The following PHF6 variants were observed in gnomAD, a reference collection of about 807,000 sequenced individuals.
The protein encoded by PHF6 is PHD finger protein 6, also known as PHD-like zinc finger protein.
In PHF6, 7 loss-of-function variants were observed where a neutral mutation model predicts 34.0. That is an observed-to-expected ratio of 0.21 (90% confidence interval 0.12 to 0.39). PHF6 has a LOEUF of 0.39. PHF6 is among the 10% of genes least tolerant of loss of function. The probability of loss-of-function intolerance (pLI) is 1.00; values close to 1 mark genes in which losing one functional copy is unlikely to be tolerated. For synonymous variants in PHF6, 89 were observed against 88.4 expected (o/e 1.01, Z -0.04); for missense variants, 128 against 262.8 (o/e 0.49, Z 3.55).
At chrX:134,375,155 A>G (rs764037681) in intron 1 of PHF6, among the ~76,000 whole-genome samples, 2 of 112,137 alleles carry the variant, frequency 1.8e-5, no homozygotes, top group Non-Finnish European at 3.8e-5. Flanking sequence ...TTACCAAGAT[A>G]TGCGCAGATG....
Position 134,425,336 on chromosome X carries a change from A to T in PHF6, c.*6A>T. On this transcript the variant is annotated splice_donor_region_variant and intron_variant, in intron 10 of 10. Coordinates refer to ENST00000370803, the MANE Select transcript of PHF6 (RefSeq NM_001015877.2). ...AGCAACTTAATGGAAACTAGGTATG[A>T]AAGTTAATTATATGGGATCTGTTGT... 1 of 1,209,960 alleles carries T rather than the reference A, an allele frequency of 8.3e-7. No individual in the cohort carries two copies. The highest frequency in any genetic ancestry group is 1.1e-6 in the Non-Finnish European group (1 of 893,886).
At chrX:134,377,451 T>A in intron 1 of PHF6, 121 bp from the exon 2 acceptor site, 5 of 477,238 alleles carry the variant, frequency 1.0e-5, no homozygotes, top group Non-Finnish European at 1.4e-5. Flanking sequence ...TTGTCTATAC[T>A]AAATAAACAT....
chrX:134,407,141 A>G (rs1357589273), intron 5 of PHF6, among the ~76,000 whole-genome samples: 4 of 112,026 alleles, frequency 3.6e-5, no homozygotes, highest in African/African-American at 1.3e-4. Flanking sequence ...TAACCTTTCT[A>G]AACTTCCTTA....
rs112051187 is a variant in PHF6, at chrX:134,390,253, G to A, written c.241-3248G>A. On this transcript the variant is annotated intron_variant, in intron 3 of 10. Transcript: ENST00000370803. ...TTAGTACCTTGCCAGAAATTTGACT[G>A]CTTGTATGTGAATGCTGCATAAAAT... is the stretch of plus-strand genomic sequence containing the variant. Among the ~76,000 whole-genome samples the A allele has an allele frequency of 7.4e-3, 827 of 111,900 alleles. 5 individuals carry two copies. Among genetic ancestry groups the A allele is most frequent in the African/African-American group, 0.026 (789 of 30,845 alleles).
At chrX:134,407,225 G>A (rs1164755871) in intron 5 of PHF6, among the ~76,000 whole-genome samples, 2 of 112,316 alleles carry the variant, frequency 1.8e-5, no homozygotes, top group Admixed American at 1.9e-4. Context: ...GAATGATTGT[G>A]AGGCTCAAAT....
At chrX:134,395,119 C>T (rs1033716317) in intron 5 of PHF6, among the ~76,000 whole-genome samples, 24 of 111,625 alleles carry the variant, frequency 2.2e-4, no homozygotes, top group Non-Finnish European at 3.8e-4. Flanking sequence ...TCCCAAAGTG[C>T]TGGGATTACA....
intron 3 of PHF6, among the ~76,000 whole-genome samples, chrX:134,388,869 A>G (rs998647164): frequency 8.9e-6 from 1 of 111,997 alleles, no homozygotes; most frequent in Non-Finnish European, 1.9e-5. Context: ...ACATTAGCTA[A>G]GTCTCAGTCC....
rs769842059 is a variant in PHF6 at position 134,393,489 on chromosome X, G to A, written c.241-12G>A. 6.6e-6 allele frequency: 8 copies of A among 1,207,817 alleles called. No individual in the cohort carries two copies. The highest frequency in any genetic ancestry group is 7.8e-6 in the Non-Finnish European group (7 of 893,532). On this transcript the variant is annotated splice_polypyrimidine_tract_variant and intron_variant, in intron 3 of 10. Coordinates refer to ENST00000370803, the MANE Select transcript of PHF6 (RefSeq NM_001015877.2). ...CACATACTAATAATATTATTTTGTC[G>A]TTTTGCTGTAGATGTGTTCTTTGTG...
At chrX:134,389,939 G>A (rs1415551030) in intron 3 of PHF6, among the ~76,000 whole-genome samples, 1 of 111,516 alleles carries the variant, frequency 9.0e-6, no homozygotes, top group Non-Finnish European at 1.9e-5. Flanking sequence ...TTACTGAACA[G>A]TACTTTGTAA....
chrX:134,415,432 A>G, intron 8 of PHF6: 1 of 353,571 alleles, frequency 2.8e-6, no homozygotes, highest in Non-Finnish European at 4.9e-6. Context: ...AAAATGTTAC[A>G]TTGTGTAAGC....
At position 134,428,464 on chromosome X, in the gene PHF6, A is replaced by G. The variant is rs982434346; in HGVS notation, c.*2804A>G. The G allele has an allele frequency of 1.9e-4, 30 of 157,739 alleles. No homozygotes were observed. Among genetic ancestry groups the G allele is most frequent in the Non-Finnish European group, 3.1e-4 (25 of 81,003 alleles). 13.0% of individuals were successfully genotyped at this position (157,739 alleles called of 1,213,427 possible). Reference sequence around the variant, plus strand: ...AGATAACAAGATCTGTAGATCTGCTATTGAATCAGAATCTGTGTACTTGAA... The same window carrying G: ...AGATAACAAGATCTGTAGATCTGCTGTTGAATCAGAATCTGTGTACTTGAA... On this transcript the variant is annotated 3_prime_UTR_variant, in exon 11 of 11. Coordinates refer to ENST00000370803, the MANE Select transcript of PHF6 (RefSeq NM_001015877.2).
chrX:134,409,585 T>C (rs2124242916), intron 5 of PHF6, among the ~76,000 whole-genome samples: 1 of 111,194 alleles, frequency 9.0e-6, no homozygotes, highest in Admixed American at 9.6e-5. Flanking sequence ...AAACATAGTC[T>C]ATCTCTCCAT....
chrX:134,397,789 A>T (rs1221474319), intron 5 of PHF6, among the ~76,000 whole-genome samples: 2 of 112,180 alleles, frequency 1.8e-5, no homozygotes, highest in Non-Finnish European at 3.8e-5. Context: ...CCTGTTAGGT[A>T]ATTGGAGATA....
At chrX:134,394,368 G>C (rs1457910879) in intron 5 of PHF6, among the ~76,000 whole-genome samples, 2 of 110,786 alleles carry the variant, frequency 1.8e-5, no homozygotes, top group Non-Finnish European at 3.8e-5. Flanking sequence ...TCTTGACCTC[G>C]TGATCCACCT....
At chrX:134,397,351 A>G (rs1040336559) in intron 5 of PHF6, among the ~76,000 whole-genome samples, 1 of 112,193 alleles carries the variant, frequency 8.9e-6, no homozygotes, top group African/African-American at 3.2e-5. Flanking sequence ...TTCGAAACAT[A>G]TAAGAAAGCA....
chrX:134,414,441 G>A (rs1385870958), intron 7 of PHF6, among the ~76,000 whole-genome samples: 1 of 111,150 alleles, frequency 9.0e-6, no homozygotes, highest in East Asian at 2.8e-4. Context: ...ACATCCTTAG[G>A]TCCATGCCTG....
chrX:134,418,547 G>A (rs1220435593), intron 9 of PHF6: 1 of 111,681 alleles, frequency 9.0e-6, no homozygotes, highest in Non-Finnish European at 1.9e-5. Context: ...AGTATTCTGT[G>A]TAAAAGACAA....
chrX:134,393,373 GT>G (rs1345810260), intron 3 of PHF6, 127 bp from the exon 4 acceptor site: 3 of 662,931 alleles, frequency 4.5e-6, no homozygotes, highest in Non-Finnish European at 6.9e-6. Flanking sequence ...AACAAGAAAA[GT>G]AGCATTAATT....
intron 5 of PHF6, among the ~76,000 whole-genome samples, chrX:134,406,488 T>G: frequency 9.0e-6 from 1 of 111,474 alleles, no homozygotes; most frequent in Non-Finnish European, 1.9e-5. Context: ...CAGGAAGTTG[T>G]AAGATGAGGA....
Sources: allele counts gnomAD v4.1 joint callset (sites outside exome capture counted in the v4.1 genomes callset), GRCh38; gene constraint gnomAD v4.1.1; transcripts MANE v1.5; gene names NCBI Gene and HGNC (gene_info 2026-07-23, HGNC 2026-07-21).